DAB1: variants seen among roughly 807,000 people sequenced by gnomAD.
DAB1 encodes the protein DAB adaptor protein 1, also known as disabled homolog 1.
Under a neutral mutation model 64.6 loss-of-function variants are expected in DAB1, and 15 were observed. The ratio of observed to expected loss-of-function variants is 0.23; its 90% CI spans 0.16 to 0.36. The LOEUF (loss-of-function observed/expected upper bound fraction) is 0.36. Ranked by LOEUF, DAB1 falls within the 10% of genes least tolerant of loss-of-function variation. The pLI, the probability that DAB1 is intolerant of heterozygous loss-of-function variation, is 1.00. For missense variants in DAB1, 596 were observed against 706.7 expected, an observed-to-expected ratio of 0.84 and a Z score of 1.78; for synonymous variants, 235 against 251.9, an observed-to-expected ratio of 0.93 and a Z score of 0.64.
chr1:58,338,244 C>A lies in DAB1; in HGVS notation n.309+5108G>T, dbSNP rs1214688803. Among the ~76,000 whole-genome samples the A allele has an allele frequency of 2.6e-5, 4 of 152,118 alleles. No homozygotes were observed. The South Asian group carries it at 8.3e-4, about 32-fold the overall frequency. ...AGCTGCGTGAGAGGCACACAGCAACCTGAGAGCTGCTCCAGCTCCTTCATC... is the reference window on the plus strand; with the variant it reads ...AGCTGCGTGAGAGGCACACAGCAACATGAGAGCTGCTCCAGCTCCTTCATC... On this transcript the variant is annotated intron_variant and non_coding_transcript_variant, in intron 4 of 20. Coordinates refer to the DAB1 transcript ENST00000485760.
chr1:58,054,991 A>G (rs1341320124), intron 5 of DAB1, among the ~76,000 whole-genome samples: 1 of 152,238 alleles, frequency 6.6e-6, no homozygotes, highest in East Asian at 1.9e-4. Context: ...ACTAAGCAAT[A>G]CAAACATTAT....
intron 3 of DAB1, among the ~76,000 whole-genome samples, chr1:58,403,778 A>G (rs1480388560): frequency 6.6e-6 from 1 of 152,136 alleles, no homozygotes; most frequent in Admixed American, 6.5e-5. Context: ...CTACCTTCCC[A>G]TCCCCTATAC....
intron 7 of DAB1, among the ~76,000 whole-genome samples, chr1:57,467,554 C>T (rs1297470017): frequency 1.3e-5 from 2 of 152,104 alleles, no homozygotes; most frequent in Non-Finnish European, 2.9e-5. Context: ...TTCATCAACC[C>T]TAAAACACTA....
chr1:57,700,600 C>A (rs1031198121), intron 6 of DAB1, among the ~76,000 whole-genome samples: 4 of 152,134 alleles, frequency 2.6e-5, no homozygotes, highest in Non-Finnish European at 5.9e-5. Flanking sequence ...TCTTCTCTTT[C>A]TGCTTTTAGT....
intron 5 of DAB1, among the ~76,000 whole-genome samples, chr1:57,961,556 T>G (rs1645522093): frequency 6.6e-6 from 1 of 152,204 alleles, no homozygotes; most frequent in Non-Finnish European, 1.5e-5. Context: ...CTTGCAAATC[T>G]CTGGATTTAT....
chr1:57,346,297 G>A (rs2100844685), intron 1 of DAB1, among the ~76,000 whole-genome samples: 1 of 152,304 alleles, frequency 6.6e-6, no homozygotes, highest in Non-Finnish European at 1.5e-5. Flanking sequence ...TGACTTCGTA[G>A]GTCAGAGCTT....
chr1:57,762,463 G>A (rs980894784), intron 6 of DAB1, among the ~76,000 whole-genome samples: 18 of 152,042 alleles, frequency 1.2e-4, no homozygotes, highest in African/African-American at 4.1e-4. Flanking sequence ...AAACGGGGAG[G>A]CAATGTAAGG....
chr1:57,631,475 A>AT (rs1237560354), intron 7 of DAB1, among the ~76,000 whole-genome samples: 1 of 152,140 alleles, frequency 6.6e-6, no homozygotes, highest in Non-Finnish European at 1.5e-5. Flanking sequence ...AATTAAGTGC[A>AT]TTTTTCTAGT....
intron 1 of DAB1, among the ~76,000 whole-genome samples, chr1:57,344,724 A>G (rs554528044): frequency 6.6e-6 from 1 of 152,248 alleles, no homozygotes; most frequent in South Asian, 2.1e-4. Flanking sequence ...CCCAGGAACA[A>G]CTGTGCCTCA....
In DAB1 at chr1:58,066,626, A is replaced by C. The variant is rs574163872; in HGVS notation, n.387+83885T>G. 2.6e-5 allele frequency among the ~76,000 whole-genome samples: 4 copies of C among 152,320 alleles called. No homozygotes were observed. In the East Asian group the frequency reaches 5.8e-4, roughly 22 times the overall value. ...GATTGAGTAACTTGGCCAAGGTTGC[A>C]TAATGAGTAAGAAGTAGAGCCAGGC... On this transcript the variant is annotated intron_variant and non_coding_transcript_variant, in intron 5 of 20. Transcript: ENST00000485760.
chr1:58,039,501 A>C (rs1249534589), intron 5 of DAB1, among the ~76,000 whole-genome samples: 4 of 152,182 alleles, frequency 2.6e-5, no homozygotes, highest in Non-Finnish European at 5.9e-5. Context: ...TATCTTTTCA[A>C]TGGGAGTCAT....
chr1:58,198,704 T>C lies in DAB1; in HGVS notation n.310-48116A>G, dbSNP rs536028486. ...GATTACAGTTCCTTGGCTATAGTGA[T>C]TGGTTCAGGATTGAGGGCAAGACTC... On this transcript the variant is annotated intron_variant and non_coding_transcript_variant, in intron 4 of 20. Transcript: ENST00000485760. Among the ~76,000 whole-genome samples, 7 of 152,110 alleles carry C rather than the reference T, an allele frequency of 4.6e-5. No homozygotes were observed. The East Asian group carries it at 7.7e-4, about 17-fold the overall frequency.
At chr1:57,150,076 A>G (rs1234353451) in intron 2 of DAB1, among the ~76,000 whole-genome samples, 1 of 152,006 alleles carries the variant, frequency 6.6e-6, no homozygotes, top group East Asian at 1.9e-4. Flanking sequence ...GATTCAGAGG[A>G]CCTGAGTTCA....
At chr1:58,369,421 C>T (rs888963458) in intron 3 of DAB1, among the ~76,000 whole-genome samples, 10 of 152,136 alleles carry the variant, frequency 6.6e-5, no homozygotes, top group African/African-American at 2.4e-4. Flanking sequence ...ACAGCTGATG[C>T]TATTTTATAG....
intron 6 of DAB1, among the ~76,000 whole-genome samples, chr1:57,816,722 C>A (rs748290679): frequency 5.3e-5 from 8 of 152,198 alleles, no homozygotes; most frequent in Non-Finnish European, 1.2e-4. Context: ...CTTCTTCACT[C>A]ATCCACTTCT....
chr1:58,416,551 C>CA (rs1055972788), intron 3 of DAB1, among the ~76,000 whole-genome samples: 6 of 151,768 alleles, frequency 4.0e-5, no homozygotes, highest in African/African-American at 7.3e-5. Flanking sequence ...CTAGTGCAAC[C>CA]AAAAAAATGA....
intron 6 of DAB1, among the ~76,000 whole-genome samples, chr1:57,680,552 C>G (rs1020635178): frequency 3.3e-5 from 5 of 152,146 alleles, no homozygotes; most frequent in African/African-American, 7.2e-5. Context: ...AGTGAGGCTT[C>G]TCATATCACA....
At chr1:57,531,590 G>A (rs1339684141) in intron 7 of DAB1, among the ~76,000 whole-genome samples, 1 of 152,094 alleles carries the variant, frequency 6.6e-6, no homozygotes, top group Non-Finnish European at 1.5e-5. Flanking sequence ...TAAAAGTGTA[G>A]ACCAGTAAGG....
Position 57,695,380 on chromosome 1 carries a change from GAAAGAAAGAAAGAAAGA to G in DAB1, n.552-45732_552-45716del, listed in dbSNP as rs1557427841. ...AAGAAAGAAGAAAGAAAGAAAGAAAGAAAGAAAGAAAGAAAGAAAGAAAGAAAGAAAGAAAGAAAGAA... is the reference window on the plus strand; with the variant it reads ...AAGAAAGAAGAAAGAAAGAAAGAAAGAAGAAAGAAAGAAAGAAAGAAAGAA... On this transcript the variant is annotated intron_variant and non_coding_transcript_variant, in intron 6 of 20. Coordinates refer to the DAB1 transcript ENST00000485760. Among the ~76,000 whole-genome samples, 106 of 70,120 alleles carry G rather than the reference GAAAGAAAGAAAGAAAGA, an allele frequency of 1.5e-3. 2 individuals carry two copies. Among genetic ancestry groups the G allele is most frequent in the African/African-American group, 5.6e-3 (103 of 18,250 alleles). 46.0% of individuals were successfully genotyped at this position (70,120 alleles called of 152,430 possible).
Sources: allele counts gnomAD v4.1 joint callset (sites outside exome capture counted in the v4.1 genomes callset), GRCh38; gene constraint gnomAD v4.1.1; transcripts MANE v1.5; gene names NCBI Gene and HGNC (gene_info 2026-07-23, HGNC 2026-07-21).